Variants in C4orf33 observed in about 807,000 individuals in gnomAD.
The protein encoded by C4orf33 is chromosome 4 open reading frame 33, also known as UPF0462 protein C4orf33.
Under a neutral mutation model 24.3 loss-of-function variants are expected in C4orf33, and 20 were observed. The ratio of observed to expected loss-of-function variants is 0.82; its 90% CI spans 0.58 to 1.19. The LOEUF is 1.19. C4orf33 is among the 50% of genes most tolerant of loss of function. The pLI is 0.00. For missense variants in C4orf33, 207 were observed against 225.9 expected (o/e 0.92, Z 0.54); for synonymous variants, 67 against 76.4 (o/e 0.88, Z 0.64).
Position 129,113,831 on chromosome 4 carries a change from G to T in C4orf33, c.*2040G>T, listed in dbSNP as rs1276176341. The T allele has an allele frequency of 6.6e-6, 1 of 151,700 alleles. No homozygotes were observed. Among genetic ancestry groups the T allele is most frequent in the African/African-American group, 2.4e-5 (1 of 41,326 alleles). The allele number at this position is 151,700 out of a possible 1,614,324, so 9.4% of individuals were successfully genotyped here. Reference sequence around the variant, plus strand: ...CTTTTGCTCCTTTTTTAAATGTTAGGCTTTTGGAGGACAGAAGATAATGAG... The same window carrying T: ...CTTTTGCTCCTTTTTTAAATGTTAGTCTTTTGGAGGACAGAAGATAATGAG... On this transcript the variant is annotated 3_prime_UTR_variant, in exon 6 of 6. Coordinates refer to ENST00000425929, the MANE Select transcript of C4orf33 (RefSeq NM_001099783.2).
At chr4:129,097,013 A>G (rs1753227181) in intron 1 of C4orf33, among the ~76,000 whole-genome samples, 1 of 152,140 alleles carries the variant, frequency 6.6e-6, no homozygotes, top group African/African-American at 2.4e-5. Flanking sequence ...GGTTCAAGCG[A>G]TTCTTCTGCC....
At chr4:129,094,114 T>G (rs1184028936), upstream of C4orf33, 1 of 152,214 alleles carries the variant, frequency 6.6e-6, no homozygotes, top group Admixed American at 6.5e-5. Flanking sequence ...ATAAAGCGTG[T>G]AGTTAGAAGT....
At chr4:129,101,618 G>C (rs545104534) in intron 1 of C4orf33, among the ~76,000 whole-genome samples, 37 of 152,190 alleles carry the variant, frequency 2.4e-4, no homozygotes, top group African/African-American at 8.7e-4. Flanking sequence ...TGTTCCATTT[G>C]TAATGAGGAC....
At chr4:129,110,973 C>T (rs752254757) in intron 5 of C4orf33, among the ~76,000 whole-genome samples, 7 of 152,142 alleles carry the variant, frequency 4.6e-5, no homozygotes, top group African/African-American at 9.7e-5. Context: ...CATATCAAGA[C>T]GTCATGTCTC....
chr4:129,093,986 C>A (rs1181243437), upstream of C4orf33: 1 of 152,192 alleles, frequency 6.6e-6, no homozygotes, highest in Non-Finnish European at 1.5e-5. Flanking sequence ...CAAGGCTGTA[C>A]CTCTGGAGGA....
chr4:129,111,763 T>G lies in C4orf33; in HGVS notation c.572T>G (p.Leu191Arg). The G allele has an allele frequency of 6.2e-7, 1 of 1,610,434 alleles. No homozygotes were observed. Among genetic ancestry groups the G allele is most frequent in the Non-Finnish European group, 8.5e-7 (1 of 1,176,902 alleles). The stretch of plus-strand genomic sequence containing the variant: ...GAGTGGAAACAACCGGAATCAGACC[T>G]GTGGCTAATAGAGAAATGTGATATA... ...GEEWKQPESD[L>R]WLIEKCDI The change falls in exon 6 of 6, where the codon CTG (leucine) becomes CGG (arginine). Residue 191 changes from leucine (L) to arginine (R), a missense_variant. Coordinates refer to ENST00000425929, the MANE Select transcript of C4orf33 (RefSeq NM_001099783.2).
rs1420795024 is a variant in C4orf33 at position 129,113,921 on chromosome 4, C to G, written c.*2130C>G. 2 of 152,146 alleles carry G rather than the reference C, an allele frequency of 1.3e-5. No individual in the cohort carries two copies. The highest frequency in any genetic ancestry group is 2.9e-5 in the Non-Finnish European group (2 of 68,040). 9.4% of individuals were successfully genotyped at this position (152,146 alleles called of 1,614,324 possible). On this transcript the variant is annotated 3_prime_UTR_variant, in exon 6 of 6. Transcript: ENST00000425929. ...GGATAAAGCAATTACAGTAAGCCCT[C>G]AGCCCTTTTCTCATGCCTCAAAGCT...
chr4:129,111,988 T>C lies in C4orf33; in HGVS notation c.*197T>C. The C allele has an allele frequency of 2.2e-6, 1 of 451,188 alleles. No individual in the cohort carries two copies. Among genetic ancestry groups the C allele is most frequent in the East Asian group, 3.8e-5 (1 of 26,626 alleles). The allele number at this position is 451,188 out of a possible 1,614,324, so 27.9% of individuals were successfully genotyped here. On this transcript the variant is annotated 3_prime_UTR_variant, in exon 6 of 6. Transcript: ENST00000425929. ...ATATGATTCTTTGTAGATGATTTCA[T>C]CTGTAAAGTCACAATGTTTCTCAGA...
At position 129,113,661 on chromosome 4, in the gene C4orf33, T is replaced by G. The variant is rs1376925750; in HGVS notation, c.*1870T>G. The G allele has an allele frequency of 6.6e-6, 1 of 152,202 alleles. No individual in the cohort carries two copies. Among genetic ancestry groups the G allele is most frequent in the Non-Finnish European group, 1.5e-5 (1 of 68,032 alleles). The allele number at this position is 152,202 out of a possible 1,614,324, so 9.4% of individuals were successfully genotyped here. A position where few individuals can be genotyped will look rare whatever the true frequency, so the allele number is the denominator to read the frequency against. Reference sequence around the variant, plus strand: ...GCATATTTATTCAGGTGCATTCTCATGCTTTTTCCCAGCTCCAGGAAAGTG... The same window carrying G: ...GCATATTTATTCAGGTGCATTCTCAGGCTTTTTCCCAGCTCCAGGAAAGTG... On this transcript the variant is annotated 3_prime_UTR_variant, in exon 6 of 6. Coordinates refer to ENST00000425929, the MANE Select transcript of C4orf33 (RefSeq NM_001099783.2).
In C4orf33 at chr4:129,109,469, G is replaced by A. The variant is rs1561091738; in HGVS notation, c.295-4G>A. 1.2e-6 allele frequency: 2 copies of A among 1,611,890 alleles called. No homozygotes were observed. Among genetic ancestry groups the A allele is most frequent in the Admixed American group, 1.7e-5 (1 of 59,994 alleles). The stretch of plus-strand genomic sequence containing the variant: ...CTTTTGTGTTTCACATGTTGTTTCT[G>A]TAGCAAGAACTTCCTTTATCGTTCA... On this transcript the variant is annotated splice_polypyrimidine_tract_variant and splice_region_variant and intron_variant, in intron 4 of 5. Transcript: ENST00000425929.
At chr4:129,097,186 T>A (rs1418817981) in intron 1 of C4orf33, among the ~76,000 whole-genome samples, 1 of 152,204 alleles carries the variant, frequency 6.6e-6, no homozygotes, top group East Asian at 1.9e-4. Context: ...GGATTACAGG[T>A]GTGAGCCACC....
Position 129,113,545 on chromosome 4 carries a change from C to T in C4orf33, c.*1754C>T, listed in dbSNP as rs948461137. 1 of 152,090 alleles carries T rather than the reference C, an allele frequency of 6.6e-6. No individual in the cohort carries two copies. The highest frequency in any genetic ancestry group is 2.4e-5 in the African/African-American group (1 of 41,420). 9.4% of individuals were successfully genotyped at this position (152,090 alleles called of 1,614,324 possible). A position where few individuals can be genotyped will look rare whatever the true frequency, so the allele number is the denominator to read the frequency against. ...TAATCATCCTTTTGTTTAAAATATG[C>T]ATAAATGCATTTCTTTGCTGTGATT... On this transcript the variant is annotated 3_prime_UTR_variant, in exon 6 of 6. Coordinates refer to ENST00000425929, the MANE Select transcript of C4orf33 (RefSeq NM_001099783.2).
rs907114949 is a variant in C4orf33, at chr4:129,112,990, T to C, written c.*1199T>C. ...ATTTTAAATAACCTAGGACGATTTA[T>C]TTATAAATTACCTGAATAATTTTAT... On this transcript the variant is annotated 3_prime_UTR_variant, in exon 6 of 6. Coordinates refer to ENST00000425929, the MANE Select transcript of C4orf33 (RefSeq NM_001099783.2). 2 of 152,096 alleles carry C rather than the reference T, an allele frequency of 1.3e-5. No homozygotes were observed. The highest frequency in any genetic ancestry group is 2.9e-5 in the Non-Finnish European group (2 of 67,992). The allele number at this position is 152,096 out of a possible 1,614,324, so 9.4% of individuals were successfully genotyped here. A position where few individuals can be genotyped will look rare whatever the true frequency, so the allele number is the denominator to read the frequency against.
At chr4:129,106,245 CT>C (rs1728925593) in intron 2 of C4orf33, among the ~76,000 whole-genome samples, 1 of 151,982 alleles carries the variant, frequency 6.6e-6, no homozygotes, top group South Asian at 2.1e-4. Context: ...ATACTTAATT[CT>C]TTTCCCAGTT....
intron 2 of C4orf33, chr4:129,103,108 G>A (rs1008160024): frequency 2.3e-5 from 4 of 172,282 alleles, no homozygotes; most frequent in East Asian, 3.4e-4. Context: ...CAAGGTCCAC[G>A]TCCTGGGTTC....
rs757312695 is a variant in C4orf33, at chr4:129,102,608, C to T, written c.-3C>T. On this transcript the variant is annotated 5_prime_UTR_variant, in exon 2 of 6. Transcript: ENST00000425929. Reference sequence around the variant, plus strand: ...TTAACATATTTTCTTTTAGAGACTTCAGATGGATTTTAAAATTGAACACAC... The same window carrying T: ...TTAACATATTTTCTTTTAGAGACTTTAGATGGATTTTAAAATTGAACACAC... 4 of 1,600,028 alleles carry T rather than the reference C, an allele frequency of 2.5e-6. No individual in the cohort carries two copies. The East Asian group carries it at 9.0e-5, about 36-fold the overall frequency.
intron 2 of C4orf33, among the ~76,000 whole-genome samples, chr4:129,104,561 T>C (rs1561089295): frequency 6.6e-6 from 1 of 152,192 alleles, no homozygotes; most frequent in Non-Finnish European, 1.5e-5. Context: ...GTTTGCCTGG[T>C]AAGACTGAAC....
chr4:129,102,196 A>T (rs1435299740), intron 1 of C4orf33: 5 of 153,472 alleles, frequency 3.3e-5, no homozygotes, highest in Non-Finnish European at 7.2e-5. Flanking sequence ...GTTACAGTTA[A>T]GTATATTAAC....
At chr4:129,096,255 G>C (rs574386852) in intron 1 of C4orf33, 46 bp downstream of exon 1, 35 of 152,198 alleles carry the variant, frequency 2.3e-4, no homozygotes, top group African/African-American at 8.4e-4. Flanking sequence ...CATTCCTTTC[G>C]TCGTCGCCAG....
Sources: gnomAD v4.1 joint callset for allele counts (sites outside exome capture counted in the v4.1 genomes callset) on GRCh38, gnomAD v4.1.1 for gene constraint, MANE v1.5 for transcripts, NCBI Gene and HGNC (gene_info 2026-07-23, HGNC 2026-07-21) for gene names.